The following HHEX variants were observed in gnomAD, a reference collection of about 807,000 sequenced individuals.
HHEX encodes the protein hematopoietically-expressed homeobox protein HHEX.
A neutral mutation model predicts 27.0 loss-of-function variants in HHEX; 8 were observed. The observed-to-expected ratio is 0.30, with a 90% confidence interval of 0.17 to 0.54. The LOEUF (loss-of-function observed/expected upper bound fraction) is 0.54, where lower values mean the gene tolerates loss of function less well. Ranked by LOEUF, HHEX falls within the 20% of genes least tolerant of loss-of-function variation. The pLI, the probability that HHEX is intolerant of heterozygous loss-of-function variation, is 0.95. For synonymous variants in HHEX, 164 were observed against 161.5 expected (o/e 1.02, Z -0.12); for missense variants, 326 against 357.2 (o/e 0.91, Z 0.70).
At position 92,691,391 on chromosome 10, in the gene HHEX, C is replaced by G. The variant is rs900582150; in HGVS notation, c.362-977C>G. On this transcript the variant is annotated intron_variant, in intron 1 of 3. Transcript: ENST00000282728. ...AAATGAACTCTGTTATTGGAAGCTT[C>G]AGTAGGGACCCTGAAAACAATTAAC... Among the ~76,000 whole-genome samples the G allele has an allele frequency of 2.0e-5, 3 of 152,296 alleles. No individual in the cohort carries two copies. The South Asian group carries it at 6.2e-4, about 32-fold the overall frequency.
chr10:92,690,346 G>C lies in HHEX; in HGVS notation c.360G>C (p.Leu120=), dbSNP rs554220013. The change falls in exon 1 of 4, where the codon CTG becomes CTC. Residue 120 remains leucine (L), a splice_region_variant and synonymous_variant. Coordinates refer to ENST00000282728, the MANE Select transcript of HHEX (RefSeq NM_002729.5). ...YTHALLRHDP[L]GKPLLWSPFL... Reference sequence around the variant, plus strand: ...ACGCCCTGCTCCGCCACGACCCCCTGGGTAAGGCGGCCGGGCGAGGGTGGG... The same window carrying C: ...ACGCCCTGCTCCGCCACGACCCCCTCGGTAAGGCGGCCGGGCGAGGGTGGG... The C allele has an allele frequency of 1.4e-5, 20 of 1,461,104 alleles. No homozygotes were observed. The East Asian group carries it at 5.1e-4, about 37-fold the overall frequency. The allele number at this position is 1,461,104 out of a possible 1,614,324, so 90.5% of individuals were successfully genotyped here. A position where few individuals can be genotyped will look rare whatever the true frequency, so the allele number is the denominator to read the frequency against.
At position 92,695,137 on chromosome 10, in the gene HHEX, T is replaced by C. The variant is rs1845391658; in HGVS notation, c.*369T>C. On this transcript the variant is annotated 3_prime_UTR_variant, in exon 4 of 4. Transcript: ENST00000282728. Reference sequence around the variant, plus strand: ...TTTTAATAGGACCTTCTTGAACGACTTTTCTGTAATCTGTTTATCTCCCAC... The same window carrying C: ...TTTTAATAGGACCTTCTTGAACGACCTTTCTGTAATCTGTTTATCTCCCAC... 5.5e-6 allele frequency: 1 copy of C among 180,854 alleles called. No homozygotes were observed. Among genetic ancestry groups the C allele is most frequent in the Non-Finnish European group, 1.2e-5 (1 of 85,782 alleles). The allele number at this position is 180,854 out of a possible 1,614,324, so 11.2% of individuals were successfully genotyped here.
rs1004810734 is a variant in HHEX, at chr10:92,695,333, T to C, written c.*565T>C. 6.5e-6 allele frequency: 1 copy of C among 153,616 alleles called. No individual in the cohort carries two copies. Among genetic ancestry groups the C allele is most frequent in the Non-Finnish European group, 1.5e-5 (1 of 68,814 alleles). The allele number at this position is 153,616 out of a possible 1,614,324, so 9.5% of individuals were successfully genotyped here. A position where few individuals can be genotyped will look rare whatever the true frequency, so the allele number is the denominator to read the frequency against. On this transcript the variant is annotated 3_prime_UTR_variant, in exon 4 of 4. Coordinates refer to ENST00000282728, the MANE Select transcript of HHEX (RefSeq NM_002729.5). ...GTCTCAGAGATGTGTGTTCTTTTTG[T>C]CAGAGATATGGTTGATGAGAATCTT...
In HHEX at chr10:92,694,556, C is replaced by G; in HGVS notation, c.601C>G (p.Gln201Glu). 1 of 1,613,238 alleles carries G rather than the reference C, an allele frequency of 6.2e-7. No individual in the cohort carries two copies. Among genetic ancestry groups the G allele is most frequent in the Non-Finnish European group, 8.5e-7 (1 of 1,179,200 alleles). Residue 201 changes from glutamine (Q) to glutamate (E), a missense_variant, in exon 4 of 4, where the codon CAA becomes GAA. By Grantham distance (29) the Gln-to-Glu change is conservative (BLOSUM62 2). Around this residue, in one of 4 missense-constraint regions of HHEX, gnomAD observed 68 missense variants for 84.9 expected, o/e 0.80. Coordinates refer to ENST00000282728, the MANE Select transcript of HHEX (RefSeq NM_002729.5). ...KWRRLKQENP[Q>E]SNKKEELESL... ...CATTTCCTTTATTCAGGAGAACCCTCAAAGCAATAAAAAAGAAGAACTGGA... is the reference window on the plus strand; with the variant it reads ...CATTTCCTTTATTCAGGAGAACCCTGAAAGCAATAAAAAAGAAGAACTGGA...
intron 1 of HHEX, among the ~76,000 whole-genome samples, 169 bp downstream of exon 1, chr10:92,690,516 C>T (rs899097356): frequency 1.3e-5 from 2 of 152,044 alleles, no homozygotes; most frequent in Non-Finnish European, 2.9e-5. Context: ...CGGGGCTGAC[C>T]GCACCGTGAC....
Position 92,694,998 on chromosome 10 carries a change from G to T in HHEX, c.*230G>T. On this transcript the variant is annotated 3_prime_UTR_variant, in exon 4 of 4. Transcript: ENST00000282728. ...TGCTCTTAGGTTGTTTTGATAAAGTGACATTATAGTGATTAAATTCTTCCC... is the reference window on the plus strand; with the variant it reads ...TGCTCTTAGGTTGTTTTGATAAAGTTACATTATAGTGATTAAATTCTTCCC... The T allele has an allele frequency of 2.3e-6, 1 of 432,642 alleles. No homozygotes were observed. The highest frequency in any genetic ancestry group is 3.9e-5 in the Admixed American group (1 of 25,384). The allele number at this position is 432,642 out of a possible 1,614,324, so 26.8% of individuals were successfully genotyped here. A position where few individuals can be genotyped will look rare whatever the true frequency, so the allele number is the denominator to read the frequency against.
chr10:92,693,162 GAAAC>G (rs1443433421), intron 3 of HHEX, among the ~76,000 whole-genome samples: 7 of 152,248 alleles, frequency 4.6e-5, no homozygotes, highest in Admixed American at 3.9e-4. Context: ...TAAATATAAA[GAAAC>G]AAACACCTTT....
chr10:92,694,998 G>A lies in HHEX; in HGVS notation c.*230G>A, dbSNP rs1188488269. The A allele has an allele frequency of 4.6e-6, 2 of 432,522 alleles. No individual in the cohort carries two copies. Among genetic ancestry groups the A allele is most frequent in the African/African-American group, 4.0e-5 (2 of 49,678 alleles). 26.8% of individuals were successfully genotyped at this position (432,522 alleles called of 1,614,324 possible). A position where few individuals can be genotyped will look rare whatever the true frequency, so the allele number is the denominator to read the frequency against. ...TGCTCTTAGGTTGTTTTGATAAAGT[G>A]ACATTATAGTGATTAAATTCTTCCC... On this transcript the variant is annotated 3_prime_UTR_variant, in exon 4 of 4. Transcript: ENST00000282728.
intron 1 of HHEX, 151 bp from the exon 2 acceptor site, chr10:92,692,217 C>T (rs891454729): frequency 2.9e-6 from 2 of 690,112 alleles, no homozygotes; most frequent in East Asian, 2.6e-5. Context: ...TCGGTGGGAA[C>T]GTGTTAGGTC....
intron 3 of HHEX, among the ~76,000 whole-genome samples, chr10:92,693,240 T>C (rs1364840839): frequency 6.6e-6 from 1 of 152,226 alleles, no homozygotes; most frequent in Non-Finnish European, 1.5e-5. Flanking sequence ...TTATTTTCTA[T>C]CTAATGCCAG....
Position 92,695,158 on chromosome 10 carries a change from C to G in HHEX, c.*390C>G, listed in dbSNP as rs1010520069. ...CGACTTTTCTGTAATCTGTTTATCT[C>G]CCACTTAATGGAAAGGCAAAGGGGT... On this transcript the variant is annotated 3_prime_UTR_variant, in exon 4 of 4. Transcript: ENST00000282728. 1 of 169,152 alleles carries G rather than the reference C, an allele frequency of 5.9e-6. No individual in the cohort carries two copies. The highest frequency in any genetic ancestry group is 2.4e-5 in the African/African-American group (1 of 41,576). The allele number at this position is 169,152 out of a possible 1,614,324, so 10.5% of individuals were successfully genotyped here.
In HHEX at chr10:92,695,066, T is replaced by C. The variant is rs1845391062; in HGVS notation, c.*298T>C. The stretch of plus-strand genomic sequence containing the variant: ...AGTGGTTTTCACTATTTATAAAAAA[T>C]TAATTTTGAACTTTTTGTTAAATTT... On this transcript the variant is annotated 3_prime_UTR_variant, in exon 4 of 4. Coordinates refer to ENST00000282728, the MANE Select transcript of HHEX (RefSeq NM_002729.5). The C allele has an allele frequency of 4.1e-6, 1 of 244,686 alleles. No homozygotes were observed. Among genetic ancestry groups the C allele is most frequent in the Non-Finnish European group, 7.9e-6 (1 of 127,100 alleles). The allele number at this position is 244,686 out of a possible 1,614,324, so 15.2% of individuals were successfully genotyped here.
chr10:92,692,673 T>G (rs2275729), intron 2 of HHEX, 29 bp from the exon 3 acceptor site: 172,406 of 1,612,120 alleles, frequency 0.11, 10,023 homozygotes, highest in African/African-American at 0.13. Flanking sequence ...GCGGGCTCGT[T>G]GCAAGTTTTC....
At position 92,689,985 on chromosome 10, in the gene HHEX, C is replaced by G; in HGVS notation, c.-2C>G. The G allele has an allele frequency of 7.0e-7, 1 of 1,419,514 alleles. No homozygotes were observed. The highest frequency in any genetic ancestry group is 1.5e-5 in the South Asian group (1 of 65,500). 87.9% of individuals were successfully genotyped at this position (1,419,514 alleles called of 1,614,324 possible). ...TGCGAGGGGCCGGAGCGCGGCGGAGCCATGCAGTACCCGCACCCCGGGCCG... is the reference window on the plus strand; with the variant it reads ...TGCGAGGGGCCGGAGCGCGGCGGAGGCATGCAGTACCCGCACCCCGGGCCG... On this transcript the variant is annotated 5_prime_UTR_variant, in exon 1 of 4. Transcript: ENST00000282728.
chr10:92,692,480 G>C lies in HHEX; in HGVS notation c.474G>C (p.Thr158=), dbSNP rs533824584. 6.2e-7 allele frequency: 1 copy of C among 1,614,108 alleles called. No homozygotes were observed. Among genetic ancestry groups the C allele is most frequent in the Non-Finnish European group, 8.5e-7 (1 of 1,180,018 alleles). The change falls in exon 2 of 4, where the codon ACG becomes ACC. Residue 158 remains threonine (T), a synonymous_variant. Transcript: ENST00000282728. ...QTIELEKKFE[T]QKYLSPPERK... ...TCGAGCTGGAGAAGAAATTCGAGAC[G>C]CAGAAATATCTCTCTCCGCCCGAGA...
At position 92,695,025 on chromosome 10, in the gene HHEX, C is replaced by T. The variant is rs1845390531; in HGVS notation, c.*257C>T. On this transcript the variant is annotated 3_prime_UTR_variant, in exon 4 of 4. Transcript: ENST00000282728. ...CATTATAGTGATTAAATTCTTCCCC[C>T]TTTAAAAAAACAGTTAGTGGTTTTC... The T allele has an allele frequency of 3.0e-6, 1 of 332,472 alleles. No homozygotes were observed. The highest frequency in any genetic ancestry group is 5.3e-5 in the East Asian group (1 of 18,794). 20.6% of individuals were successfully genotyped at this position (332,472 alleles called of 1,614,324 possible).
Position 92,690,113 on chromosome 10 carries a change from G to C in HHEX, c.127G>C (p.Ala43Pro). 1 of 1,547,804 alleles carries C rather than the reference G, an allele frequency of 6.5e-7. No individual in the cohort carries two copies. The highest frequency in any genetic ancestry group is 8.7e-7 in the Non-Finnish European group (1 of 1,145,706). ...YIEDILGRGP[A>P]APTPAPTLPS... ...CGAGGACATCCTGGGCCGCGGGCCC[G>C]CCGCGCCCACGCCCGCCCCCACGCT... The change falls in exon 1 of 4, where the codon GCC becomes CCC. Residue 43 changes from alanine to proline, a missense_variant. This residue lies in a region of HHEX where 215 missense variants were observed against 196.4 expected (regional missense o/e 1.09). Transcript: ENST00000282728.
In HHEX at chr10:92,690,103, C is replaced by T. The variant is rs1845335908; in HGVS notation, c.117C>T (p.Gly39=). Residue 39 remains glycine, a synonymous_variant, in exon 1 of 4, where the codon GGC becomes GGT. Transcript: ENST00000282728. Reference sequence around the variant, plus strand: ...CCTTTTACATCGAGGACATCCTGGGCCGCGGGCCCGCCGCGCCCACGCCCG... The same window carrying T: ...CCTTTTACATCGAGGACATCCTGGGTCGCGGGCCCGCCGCGCCCACGCCCG... The part of the protein sequence containing the change: ...PTPFYIEDIL[G]RGPAAPTPAP... 1.3e-6 allele frequency: 2 copies of T among 1,547,864 alleles called. No individual in the cohort carries two copies. The highest frequency in any genetic ancestry group is 2.5e-5 in the East Asian group (1 of 40,750).
chr10:92,693,589 A>G (rs545883242), intron 3 of HHEX, among the ~76,000 whole-genome samples: 22 of 151,906 alleles, frequency 1.4e-4, no homozygotes, highest in Non-Finnish European at 2.5e-4. Flanking sequence ...TTTCATTAAA[A>G]AGAAAGTGTC....
Sources: allele counts gnomAD v4.1 joint callset (sites outside exome capture counted in the v4.1 genomes callset), GRCh38; gene constraint gnomAD v4.1.1; regional missense constraint gnomAD v4.1.1; transcripts MANE v1.5; gene names NCBI Gene and HGNC (gene_info 2026-07-23, HGNC 2026-07-21).